The following TGFBR1 variants were observed in gnomAD, a reference collection of about 807,000 sequenced individuals.
The protein encoded by TGFBR1 is TGF-beta receptor type-1.
Under a neutral mutation model 55.1 loss-of-function variants are expected in TGFBR1, and 20 were observed. That is an observed-to-expected ratio of 0.36 (90% confidence interval 0.26 to 0.53). The LOEUF is 0.53. Among genes scored for constraint, TGFBR1 ranks in the 20% least tolerant of loss-of-function variants. The pLI is 0.91. For synonymous variants in TGFBR1, 220 were observed against 214.8 expected, an observed-to-expected ratio of 1.02 and a Z score of -0.21; for missense variants, 385 against 617.6, an observed-to-expected ratio of 0.62 and a Z score of 3.99.
intron 1 of TGFBR1, among the ~76,000 whole-genome samples, chr9:99,116,175 T>TAAA (rs33959088): frequency 3.5e-5 from 5 of 141,426 alleles, no homozygotes; most frequent in African/African-American, 1.3e-4. Context: ...ACTTTATTCT[T>TAAA]AAAAAAAAAA....
intron 8 of TGFBR1, 27 bp from the exon 9 acceptor site, chr9:99,149,152 TA>T: frequency 1.3e-6 from 2 of 1,562,224 alleles, no homozygotes; most frequent in Non-Finnish European, 1.7e-6. Flanking sequence ...GTGCATGCAT[TA>T]ATTTTTTTTT....
chr9:99,105,255 TGGCGGCGGCGGCGGC>T lies in TGFBR1; in HGVS notation c.64_78del (p.Ala22_Ala26del), dbSNP rs11466445. On this transcript the variant is annotated inframe_deletion, in exon 1 of 9. Transcript: ENST00000374994. ...CGTCCCCGGCTGCTCCTCCTCGTGCTGGCGGCGGCGGCGGCGGCGGCGGCGGCGCTGCTCCCGGGG... is the reference window on the plus strand; with the variant it reads ...CGTCCCCGGCTGCTCCTCCTCGTGCTGGCGGCGGCGGCGCTGCTCCCGGGG... 2.3e-5 allele frequency: 24 copies of T among 1,043,388 alleles called. No homozygotes were observed. The highest frequency in any genetic ancestry group is 8.8e-5 in the South Asian group (2 of 22,674). The allele number at this position is 1,043,388 out of a possible 1,614,324, so 64.6% of individuals were successfully genotyped here.
At chr9:99,125,109 A>AT (rs758684624) in intron 1 of TGFBR1, among the ~76,000 whole-genome samples, 5 of 152,166 alleles carry the variant, frequency 3.3e-5, no homozygotes, top group Admixed American at 6.5e-5. Context: ...GTCTAATTCC[A>AT]TTTTAAATGT....
At chr9:99,135,337 C>T (rs569889068) in intron 3 of TGFBR1, among the ~76,000 whole-genome samples, 4 of 152,134 alleles carry the variant, frequency 2.6e-5, no homozygotes, top group Admixed American at 6.5e-5. Context: ...CTTAATGCCA[C>T]CTTAGGCATG....
intron 1 of TGFBR1, among the ~76,000 whole-genome samples, chr9:99,117,920 T>C (rs1826794860): frequency 6.6e-6 from 1 of 152,214 alleles, no homozygotes; most frequent in African/African-American, 2.4e-5. Flanking sequence ...TTATGGAATA[T>C]TGACCTCTTT....
chr9:99,105,078 C>A, upstream of TGFBR1: 1 of 699,712 alleles, frequency 1.4e-6, no homozygotes, highest in Non-Finnish European at 1.8e-6. Flanking sequence ...GCGCGTCCTC[C>A]GAGCAGTTAC....
At chr9:99,147,400 C>T (rs1378172247) in intron 7 of TGFBR1, among the ~76,000 whole-genome samples, 3 of 152,158 alleles carry the variant, frequency 2.0e-5, no homozygotes, top group South Asian at 2.1e-4. Context: ...CATCACAGCT[C>T]ATAGTTTACT....
intron 3 of TGFBR1, among the ~76,000 whole-genome samples, chr9:99,135,986 C>T (rs1328861497): frequency 1.3e-5 from 2 of 151,554 alleles, no homozygotes; most frequent in African/African-American, 4.9e-5. Context: ...TCCTGAGTAG[C>T]TGGGATTACA....
intron 1 of TGFBR1, among the ~76,000 whole-genome samples, chr9:99,121,856 T>C (rs1826907338): frequency 6.6e-6 from 1 of 152,078 alleles, no homozygotes; most frequent in South Asian, 2.1e-4. Context: ...CTGCTTGACT[T>C]TGCATAGATA....
At chr9:99,125,997 G>T (rs1018522617) in intron 1 of TGFBR1, among the ~76,000 whole-genome samples, 4 of 152,118 alleles carry the variant, frequency 2.6e-5, no homozygotes, top group African/African-American at 9.7e-5. Context: ...TGTTCTAAAG[G>T]TATGCAAAGA....
chr9:99,115,813 A>T (rs1234426343), intron 1 of TGFBR1, among the ~76,000 whole-genome samples: 1 of 152,136 alleles, frequency 6.6e-6, no homozygotes, highest in African/African-American at 2.4e-5. Flanking sequence ...AACAATAATT[A>T]TATATAATTA....
At chr9:99,104,760 T>G (rs1031551291), upstream of TGFBR1, among the ~76,000 whole-genome samples, 1 of 152,134 alleles carries the variant, frequency 6.6e-6, no homozygotes, top group Non-Finnish European at 1.5e-5. Flanking sequence ...GGCCACAGCC[T>G]TTTTCCGAAA....
rs1449696564 is a variant in TGFBR1 at position 99,106,752 on chromosome 9, C to G, written c.97+1450C>G. Among the ~76,000 whole-genome samples the G allele has an allele frequency of 2.0e-5, 3 of 152,222 alleles. No individual in the cohort carries two copies. The East Asian group carries it at 5.8e-4, about 29-fold the overall frequency. ...ATACTATCTGGCGTAGCCCATTTTT[C>G]TTCTTCAGTCGTCTGATGAGCAATT... On this transcript the variant is annotated intron_variant, in intron 1 of 8. Coordinates refer to ENST00000374994, the MANE Select transcript of TGFBR1 (RefSeq NM_004612.4).
intron 2 of TGFBR1, among the ~76,000 whole-genome samples, chr9:99,129,371 A>G (rs536191880): frequency 1.3e-5 from 2 of 152,350 alleles, no homozygotes; most frequent in South Asian, 2.1e-4. Context: ...GACAAAGCCC[A>G]CAACAACATC....
rs144775920 is a variant in TGFBR1, at chr9:99,129,101, G to C, written c.343+1G>C. Reference sequence around the variant, plus strand: ...AATAAAATAGAACTTCCAACTACTGGTAAGTTGTATAAAATTTTTTTCCTA... The same window carrying C: ...AATAAAATAGAACTTCCAACTACTGCTAAGTTGTATAAAATTTTTTTCCTA... On this transcript the variant is annotated splice_donor_variant, in intron 2 of 8. Transcript: ENST00000374994. LOFTEE classifies it high-confidence loss of function. The C allele has an allele frequency of 6.2e-7, 1 of 1,613,622 alleles. No homozygotes were observed. The highest frequency in any genetic ancestry group is 8.5e-7 in the Non-Finnish European group (1 of 1,179,812).
chr9:99,116,173 C>CT (rs1826730462), intron 1 of TGFBR1, among the ~76,000 whole-genome samples: 2 of 131,596 alleles, frequency 1.5e-5, no homozygotes, highest in East Asian at 2.5e-4. Context: ...TCACTTTATT[C>CT]TTAAAAAAAA....
chr9:99,142,432 A>G, intron 4 of TGFBR1, 104 bp from the exon 5 acceptor site: 1 of 1,231,722 alleles, frequency 8.1e-7, no homozygotes, highest in African/African-American at 1.5e-5. Context: ...GTGGCATTAT[A>G]TTGCAGTGTG....
intron 1 of TGFBR1, among the ~76,000 whole-genome samples, chr9:99,112,185 T>C (rs11466446): frequency 7.4e-4 from 112 of 152,332 alleles, no homozygotes; most frequent in African/African-American, 2.5e-3. Context: ...TCAGGGTGGC[T>C]ACCCAGTTGG....
chr9:99,136,495 T>C (rs1263962211), intron 3 of TGFBR1, among the ~76,000 whole-genome samples: 2 of 152,188 alleles, frequency 1.3e-5, no homozygotes, highest in Non-Finnish European at 1.5e-5. Flanking sequence ...TGTAATAAAT[T>C]AGTATCTACA....
Sources: allele counts gnomAD v4.1 joint callset (sites outside exome capture counted in the v4.1 genomes callset), GRCh38; gene constraint gnomAD v4.1.1; transcripts MANE v1.5; gene names NCBI Gene and HGNC (gene_info 2026-07-23, HGNC 2026-07-21).